WDTC1: variants seen among roughly 807,000 people sequenced by gnomAD.
The protein encoded by WDTC1 is WD and tetratricopeptide repeats protein 1.
A neutral mutation model predicts 76.0 loss-of-function variants in WDTC1; 12 were observed. The ratio of observed to expected loss-of-function variants is 0.16; its 90% CI spans 0.10 to 0.26. The LOEUF (loss-of-function observed/expected upper bound fraction) is 0.26. WDTC1 is among the 10% of genes least tolerant of loss of function. The pLI, the probability that WDTC1 is intolerant of heterozygous loss-of-function variation, is 1.00. For synonymous variants in WDTC1, 326 were observed against 350.8 expected (o/e 0.93, Z 0.79); for missense variants, 511 against 908.8 (o/e 0.56, Z 5.63).
chr1:27,295,458 G>GTT (rs1052019497), intron 9 of WDTC1, among the ~76,000 whole-genome samples: 2 of 142,712 alleles, frequency 1.4e-5, no homozygotes, highest in Admixed American at 7.0e-5. Context: ...CGTGTTTTTT[G>GTT]TTTTTTTTTT....
intron 1 of WDTC1, among the ~76,000 whole-genome samples, chr1:27,257,315 G>A (rs970239719): frequency 2.0e-5 from 3 of 152,142 alleles, no homozygotes; most frequent in Non-Finnish European, 4.4e-5. Flanking sequence ...ACGTAACCCC[G>A]TCAGTGTTTG....
intron 1 of WDTC1, among the ~76,000 whole-genome samples, chr1:27,235,193 G>A (rs2011468572): frequency 6.6e-6 from 1 of 152,168 alleles, no homozygotes; most frequent in African/African-American, 2.4e-5. Flanking sequence ...GGGGGAGGCT[G>A]TGGGAGTCCG....
At chr1:27,292,032 G>A (rs2013548902) in intron 6 of WDTC1, among the ~76,000 whole-genome samples, 183 bp from the exon 7 acceptor site, 1 of 152,188 alleles carries the variant, frequency 6.6e-6, no homozygotes, top group Non-Finnish European at 1.5e-5. Context: ...TGTGTGAGAA[G>A]CCTACTACAG....
At chr1:27,243,965 A>G in intron 1 of WDTC1, among the ~76,000 whole-genome samples, 1 of 820 alleles carries the variant, frequency 1.2e-3, no homozygotes, top group South Asian at 0.25. Flanking sequence ...ATCTCTACAA[A>G]AAAAAAAAAA....
intron 5 of WDTC1, among the ~76,000 whole-genome samples, chr1:27,286,494 G>T (rs2013341981): frequency 7.4e-6 from 1 of 135,686 alleles, no homozygotes; most frequent in Non-Finnish European, 1.6e-5. Flanking sequence ...TTTTGAGATG[G>T]AGTCTCGCTC....
intron 14 of WDTC1, chr1:27,304,160 C>T (rs1050636383): frequency 4.1e-6 from 1 of 244,328 alleles, no homozygotes; most frequent in Non-Finnish European, 7.9e-6. Context: ...AGGCAGCAGC[C>T]CTCCAAGGCT....
At chr1:27,249,000 G>T (rs1208784782) in intron 1 of WDTC1, among the ~76,000 whole-genome samples, 2 of 152,106 alleles carry the variant, frequency 1.3e-5, no homozygotes, top group Non-Finnish European at 2.9e-5. Flanking sequence ...CAGCTCAGTG[G>T]CTCACACCTG....
chr1:27,300,788 A>G (rs1049731271), intron 12 of WDTC1, among the ~76,000 whole-genome samples: 8 of 152,128 alleles, frequency 5.3e-5, no homozygotes, highest in Admixed American at 5.2e-4. Flanking sequence ...AGACCACAGA[A>G]CTGTCCTTGA....
At chr1:27,275,683 G>A (rs1029686299) in intron 3 of WDTC1, among the ~76,000 whole-genome samples, 4 of 151,818 alleles carry the variant, frequency 2.6e-5, no homozygotes, top group Non-Finnish European at 4.4e-5. Flanking sequence ...ATTTCCTTTC[G>A]TGAGGACTGT....
intron 12 of WDTC1, among the ~76,000 whole-genome samples, chr1:27,299,658 G>T (rs1339670825): frequency 6.6e-6 from 1 of 152,056 alleles, no homozygotes; most frequent in African/African-American, 2.4e-5. Flanking sequence ...GCCTGGGGCC[G>T]GCCTAGGGAG....
In WDTC1 at chr1:27,305,199, G is replaced by A. The variant is rs778832158; in HGVS notation, c.1836+6G>A. ...TCTGGAACCCCCGACCAGAGGTGAG[G>A]GTGCAGAGCCAAGCAGAGAGGAGGG... On this transcript the variant is annotated splice_donor_region_variant and intron_variant, in intron 15 of 15. Coordinates refer to ENST00000319394, the MANE Select transcript of WDTC1 (RefSeq NM_001276252.2). This position sits in a 1 kb window ranked among gnomAD's most constrained non-coding sequence, Gnocchi z 4.6. The A allele has an allele frequency of 1.7e-5, 27 of 1,612,724 alleles. No individual in the cohort carries two copies. The highest frequency in any genetic ancestry group is 4.4e-5 in the South Asian group (4 of 91,024).
chr1:27,296,128 A>T (rs1196741018), intron 9 of WDTC1, among the ~76,000 whole-genome samples, 198 bp from the exon 10 acceptor site: 1 of 152,094 alleles, frequency 6.6e-6, no homozygotes, highest in Non-Finnish European at 1.5e-5. Context: ...CAGATAGCCC[A>T]CCCTGAATGC....
At chr1:27,236,733 C>G (rs915432176) in intron 1 of WDTC1, among the ~76,000 whole-genome samples, 6 of 152,098 alleles carry the variant, frequency 3.9e-5, no homozygotes, top group Non-Finnish European at 8.8e-5. Context: ...AATCTTGAAG[C>G]CCACTGCCAA....
At chr1:27,244,316 T>C (rs1272072182) in intron 1 of WDTC1, among the ~76,000 whole-genome samples, 1 of 151,636 alleles carries the variant, frequency 6.6e-6, no homozygotes, top group East Asian at 1.9e-4. Context: ...CATTTTATTA[T>C]GCTCTTTCTT....
rs1421576232 is a variant in WDTC1 at position 27,307,054 on chromosome 1, C to G, written c.*671C>G. 1 of 153,672 alleles carries G rather than the reference C, an allele frequency of 6.5e-6. No individual in the cohort carries two copies. The highest frequency in any genetic ancestry group is 1.9e-4 in the East Asian group (1 of 5,186). 9.5% of individuals were successfully genotyped at this position (153,672 alleles called of 1,614,324 possible). ...TCACTGGCCACCTCTGGAGGCTCTG[C>G]CTTTCCCAAGGGCCCTGGCAGAGGG... is the stretch of plus-strand genomic sequence containing the variant. On this transcript the variant is annotated 3_prime_UTR_variant, in exon 16 of 16. Coordinates refer to ENST00000319394, the MANE Select transcript of WDTC1 (RefSeq NM_001276252.2). The surrounding 1 kb of genome is among the most constrained non-coding windows in gnomAD (Gnocchi z 4.1).
chr1:27,270,469 G>C (rs934764031), intron 3 of WDTC1, among the ~76,000 whole-genome samples: 1 of 152,136 alleles, frequency 6.6e-6, no homozygotes, highest in African/African-American at 2.4e-5. Context: ...AAGGCAGGCG[G>C]ATTCCTTGAG....
intron 6 of WDTC1, among the ~76,000 whole-genome samples, chr1:27,291,272 G>T (rs2013527504): frequency 6.6e-6 from 1 of 152,204 alleles, no homozygotes; most frequent in South Asian, 2.1e-4. Context: ...GAAAACTGAG[G>T]AATAAGGTTG....
Position 27,287,722 on chromosome 1 carries a change from T to A in WDTC1, c.340T>A (p.Ser114Thr). 1 of 1,614,104 alleles carries A rather than the reference T, an allele frequency of 6.2e-7. No individual in the cohort carries two copies. The highest frequency in any genetic ancestry group is 1.1e-5 in the South Asian group (1 of 91,056). Residue 114 changes from serine (S) to threonine (T), a missense_variant, in exon 6 of 16, where the codon TCT becomes ACT. Ser to Thr is a moderately conservative substitution (Grantham distance 58). Transcript: ENST00000319394. ...CATCTTGATCACGGGGGCAGCCGAC[T>A]CTAAGGTGCATGTGCACGACCTGAC... ...DRILITGAAD[S>T]KVHVHDLTVK... is the part of the protein sequence containing the mutation.
At chr1:27,239,355 A>C (rs1426918497) in intron 1 of WDTC1, among the ~76,000 whole-genome samples, 1 of 150,604 alleles carries the variant, frequency 6.6e-6, no homozygotes, top group African/African-American at 2.4e-5. Context: ...CAGTCTCTAC[A>C]AAAAGAAAAT....
Sources: allele counts gnomAD v4.1 joint callset (sites outside exome capture counted in the v4.1 genomes callset), GRCh38; gene constraint gnomAD v4.1.1; non-coding constraint Gnocchi (gnomAD v3.1); transcripts MANE v1.5; gene names NCBI Gene and HGNC (gene_info 2026-07-23, HGNC 2026-07-21).